The following LAMB3 variants were observed in gnomAD, a reference collection of about 807,000 sequenced individuals.
The protein encoded by LAMB3 is laminin subunit beta-3.
LAMB3 carries 104 observed loss-of-function variants against 140.3 expected under a neutral mutation model. That is an observed-to-expected ratio of 0.74 (90% CI 0.63 to 0.87). The LOEUF (loss-of-function observed/expected upper bound fraction) is 0.87. LAMB3 is among the 40% of genes least tolerant of loss of function. LAMB3 has a pLI of 0.00. For synonymous variants in LAMB3, 592 were observed against 602.9 expected, an observed-to-expected ratio of 0.98 and a Z score of 0.26; for missense variants, 1,531 against 1,575.2, an observed-to-expected ratio of 0.97 and a Z score of 0.47.
At chr1:209,642,382 A>G (rs1407901697) in intron 3 of LAMB3, among the ~76,000 whole-genome samples, 1 of 152,228 alleles carries the variant, frequency 6.6e-6, no homozygotes, top group African/African-American at 2.4e-5. Flanking sequence ...TGGCAACTGC[A>G]TACAGTTCAA....
intron 3 of LAMB3, among the ~76,000 whole-genome samples, chr1:209,646,124 T>C (rs971996487): frequency 6.6e-6 from 1 of 152,212 alleles, no homozygotes; most frequent in Non-Finnish European, 1.5e-5. Flanking sequence ...GAATGGGGGA[T>C]AAATAAAGCA....
At chr1:209,635,928 A>C (rs1571826225) in intron 5 of LAMB3, among the ~76,000 whole-genome samples, 1 of 152,078 alleles carries the variant, frequency 6.6e-6, no homozygotes, top group South Asian at 2.1e-4. Flanking sequence ...AACCAAGCTC[A>C]TTCCCTCCTC....
At chr1:209,635,511 T>G (rs1310674479) in intron 5 of LAMB3, among the ~76,000 whole-genome samples, 1 of 152,186 alleles carries the variant, frequency 6.6e-6, no homozygotes, top group Non-Finnish European at 1.5e-5. Flanking sequence ...CCAGCGATTC[T>G]CATGTCTCAG....
At position 209,643,740 on chromosome 1, in the gene LAMB3, C is replaced by G. The variant is rs143051729; in HGVS notation, c.184-5092G>C. ...GGCCCAGCTCCCTCCCATGAGGAAGCCAGAGGGCTGTCTGAGTTCATCTAA... is the reference window on the plus strand; with the variant it reads ...GGCCCAGCTCCCTCCCATGAGGAAGGCAGAGGGCTGTCTGAGTTCATCTAA... On this transcript the variant is annotated intron_variant, in intron 3 of 22. Transcript: ENST00000356082. 8.2e-4 allele frequency among the ~76,000 whole-genome samples: 124 copies of G among 152,076 alleles called. 1 individual carries two copies. Among genetic ancestry groups the G allele is most frequent in the African/African-American group, 2.9e-3 (119 of 41,476 alleles).
intron 1 of LAMB3, among the ~76,000 whole-genome samples, chr1:209,652,020 G>C (rs1332585286): frequency 6.6e-6 from 1 of 152,098 alleles, no homozygotes; most frequent in East Asian, 1.9e-4. Context: ...GCTAACGATG[G>C]CCTAAGAGAG....
intron 3 of LAMB3, among the ~76,000 whole-genome samples, chr1:209,645,452 C>T (rs144203592): frequency 1.4e-3 from 213 of 152,218 alleles, no homozygotes; most frequent in African/African-American, 4.9e-3. Context: ...GGGAGTGGCT[C>T]ACACCTGTAA....
intron 5 of LAMB3, among the ~76,000 whole-genome samples, chr1:209,636,431 G>A (rs1315007278): frequency 6.6e-6 from 1 of 152,182 alleles, no homozygotes; most frequent in African/African-American, 2.4e-5. Flanking sequence ...AAACCAGGCT[G>A]TAGCCCCTAT....
Position 209,614,963 on chromosome 1 carries a change from A to C in LAMB3, c.*308T>G. On this transcript the variant is annotated 3_prime_UTR_variant, in exon 23 of 23. Transcript: ENST00000356082. ...TTTGTTAAGTTTTTGTGCTTGGTCC[A>C]GGATTCCTCCCCAGTGGAGAACTAA... is the stretch of plus-strand genomic sequence containing the variant. 1 of 344,838 alleles carries C rather than the reference A, an allele frequency of 2.9e-6. No homozygotes were observed. Among genetic ancestry groups the C allele is most frequent in the Non-Finnish European group, 5.3e-6 (1 of 189,386 alleles). The allele number at this position is 344,838 out of a possible 1,614,324, so 21.4% of individuals were successfully genotyped here. A position where few individuals can be genotyped will look rare whatever the true frequency, so the allele number is the denominator to read the frequency against.
intron 21 of LAMB3, 108 bp from the exon 22 acceptor site, chr1:209,616,732 C>A: frequency 9.4e-7 from 1 of 1,058,794 alleles, no homozygotes; most frequent in South Asian, 1.3e-5. Context: ...GGGAAGGTGC[C>A]TCCTATTAGC....
At chr1:209,637,803 G>T in intron 5 of LAMB3, 105 bp downstream of exon 5, 1 of 919,088 alleles carries the variant, frequency 1.1e-6, no homozygotes. Flanking sequence ...CATGGTGAGT[G>T]TTGCCCCAAC....
chr1:209,627,046 T>C, intron 12 of LAMB3, 68 bp from the exon 13 acceptor site: 1 of 1,151,120 alleles, frequency 8.7e-7, no homozygotes, highest in Non-Finnish European at 1.3e-6. Context: ...TGTCAGGGAC[T>C]GTGTCCTAGA....
chr1:209,627,171 C>A (rs1666492077), intron 12 of LAMB3, among the ~76,000 whole-genome samples, 193 bp from the exon 13 acceptor site: 2 of 152,336 alleles, frequency 1.3e-5, no homozygotes, highest in Non-Finnish European at 2.9e-5. Flanking sequence ...AGCATAGGCC[C>A]TTCAGAAGGT....
chr1:209,640,909 CT>C (rs2076462883), intron 3 of LAMB3, among the ~76,000 whole-genome samples: 1 of 151,588 alleles, frequency 6.6e-6, no homozygotes, highest in South Asian at 2.1e-4. Flanking sequence ...GTGAAACCCC[CT>C]CTCTACTAAA....
intron 3 of LAMB3, among the ~76,000 whole-genome samples, chr1:209,647,691 T>A (rs1398957870): frequency 2.0e-5 from 3 of 152,056 alleles, no homozygotes; most frequent in Non-Finnish European, 4.4e-5. Context: ...CCAGCCTCAT[T>A]TCTGGCTGTG....
intron 3 of LAMB3, among the ~76,000 whole-genome samples, chr1:209,642,543 T>C (rs1206608092): frequency 6.6e-6 from 1 of 152,208 alleles, no homozygotes; most frequent in Non-Finnish European, 1.5e-5. Context: ...AGTGCCGCGA[T>C]CTCTGCTCAC....
intron 18 of LAMB3, 129 bp from the exon 19 acceptor site, chr1:209,618,788 T>C: frequency 1.2e-6 from 1 of 841,214 alleles, no homozygotes; most frequent in South Asian, 1.4e-5. Context: ...CCCAAGGAGC[T>C]GCTGCCCCCT....
At chr1:209,621,285 C>T (rs1274932689) in intron 18 of LAMB3, among the ~76,000 whole-genome samples, 1 of 152,198 alleles carries the variant, frequency 6.6e-6, no homozygotes, top group Non-Finnish European at 1.5e-5. Context: ...CCTTGACCTC[C>T]CCCATCATCC....
At chr1:209,629,530 G>C (rs768846262) in intron 10 of LAMB3, among the ~76,000 whole-genome samples, 5 of 152,070 alleles carry the variant, frequency 3.3e-5, no homozygotes, top group African/African-American at 1.2e-4. Flanking sequence ...ACTCTTGATT[G>C]ATTGTCTGAT....
rs1269063249 is a variant in LAMB3 at position 209,623,986 on chromosome 1, C to T, written c.1991G>A (p.Gly664Asp). 1.2e-6 allele frequency: 2 copies of T among 1,613,574 alleles called. No individual in the cohort carries two copies. Among genetic ancestry groups the T allele is most frequent in the East Asian group, 2.2e-5 (1 of 44,880 alleles). Residue 664 changes from glycine (G) to aspartate (D), a missense_variant, in exon 15 of 23, where the codon GGC becomes GAC. Coordinates refer to ENST00000356082, the MANE Select transcript of LAMB3 (RefSeq NM_000228.3). The surrounding 1 kb of genome is among the most constrained non-coding windows in gnomAD (Gnocchi z 4.2). ...CTCCAGGGGCAGATCCAGCTGCAGG[C>T]CCTGGAGAGTTCGCCTGAGAAGGGA... ...AILSLRRTLQ[G>D]LQLDLPLEEE... is the part of the protein sequence containing the mutation.
Sources: gnomAD v4.1 joint callset for allele counts (sites outside exome capture counted in the v4.1 genomes callset) on GRCh38, gnomAD v4.1.1 for gene constraint, Gnocchi (gnomAD v3.1) non-coding constraint, MANE v1.5 for transcripts, NCBI Gene and HGNC (gene_info 2026-07-23, HGNC 2026-07-21) for gene names.